Variants in LARGE1 observed in about 807,000 individuals in gnomAD.
The protein encoded by LARGE1 is LARGE xylosyl- and glucuronyltransferase 1, also known as xylosyl- and glucuronyltransferase LARGE1.
Under a neutral mutation model 87.6 loss-of-function variants are expected in LARGE1, and 43 were observed. The observed-to-expected ratio is 0.49, with a 90% CI of 0.38 to 0.63. LARGE1 has a LOEUF of 0.63. Among genes scored for constraint, LARGE1 ranks in the 30% least tolerant of loss-of-function variants. The pLI is 0.00. For missense variants in LARGE1, 802 were observed against 1,000.2 expected (o/e 0.80, Z 2.67); for synonymous variants, 434 against 394.6 (o/e 1.10, Z -1.18).
At chr22:33,396,496 A>AGAGAGAGAGAGAGAGAGAGG (rs1414237303) in intron 7 of LARGE1, among the ~76,000 whole-genome samples, 1 of 142,496 alleles carries the variant, frequency 7.0e-6, no homozygotes, top group Non-Finnish European at 1.5e-5. Flanking sequence ...AGAGAGAGAG[A>AGAGAGAGAGAGAGAGAGAGG]GATAGGGAAG....
At chr22:33,543,644 A>T (rs1333490427) in intron 6 of LARGE1, among the ~76,000 whole-genome samples, 4 of 152,230 alleles carry the variant, frequency 2.6e-5, no homozygotes, top group African/African-American at 9.6e-5. Flanking sequence ...AGTGACAGAG[A>T]CTTTACTGAG....
At chr22:33,731,215 C>A (rs867304361) in intron 2 of LARGE1, among the ~76,000 whole-genome samples, 1 of 151,700 alleles carries the variant, frequency 6.6e-6, no homozygotes, top group Admixed American at 6.6e-5. Context: ...ATGTTAGCCA[C>A]GATGGTCTCG....
At chr22:33,319,167 C>G (rs186109231) in intron 10 of LARGE1, among the ~76,000 whole-genome samples, 237 of 152,294 alleles carry the variant, frequency 1.6e-3, no homozygotes, top group African/African-American at 5.1e-3. Context: ...TTTCTCTAGC[C>G]TTGAATAAGG....
chr22:33,804,826 A>G (rs1327803532), intron 1 of LARGE1, among the ~76,000 whole-genome samples: 1 of 152,048 alleles, frequency 6.6e-6, no homozygotes, highest in Non-Finnish European at 1.5e-5. Context: ...ACCATCATGC[A>G]TTTTCTAGCT....
chr22:33,920,634 G>T (rs1314158571), upstream of LARGE1, among the ~76,000 whole-genome samples: 1 of 143,582 alleles, frequency 7.0e-6, no homozygotes, highest in Admixed American at 6.8e-5. Flanking sequence ...GGGGCGCGGG[G>T]CTAGGGGAGG....
At chr22:33,341,827 CA>C (rs1939179271) in intron 9 of LARGE1, among the ~76,000 whole-genome samples, 1 of 152,182 alleles carries the variant, frequency 6.6e-6, no homozygotes, top group African/African-American at 2.4e-5. Context: ...GAGGGTTAAA[CA>C]AATGCCTAGC....
chr22:33,453,123 G>A (rs575357636), intron 6 of LARGE1, among the ~76,000 whole-genome samples: 23 of 152,190 alleles, frequency 1.5e-4, no homozygotes, highest in African/African-American at 5.1e-4. Flanking sequence ...ACATTGAAAG[G>A]TTGTTGTTTC....
chr22:33,767,933 C>T (rs1272827300), intron 1 of LARGE1, among the ~76,000 whole-genome samples: 1 of 152,216 alleles, frequency 6.6e-6, no homozygotes, highest in Non-Finnish European at 1.5e-5. Context: ...CATTGTCACT[C>T]GTCTTCAGTG....
chr22:33,634,084 C>A (rs1409298556), intron 3 of LARGE1, among the ~76,000 whole-genome samples: 2 of 152,226 alleles, frequency 1.3e-5, no homozygotes, highest in Admixed American at 1.3e-4. Flanking sequence ...GAAAGTGCCC[C>A]TAATAAATCA....
At chr22:33,477,413 A>G (rs1001492048) in intron 6 of LARGE1, among the ~76,000 whole-genome samples, 1 of 152,220 alleles carries the variant, frequency 6.6e-6, no homozygotes, top group African/African-American at 2.4e-5. Flanking sequence ...CTTTGTTTAG[A>G]AACTATGCTT....
intron 11 of LARGE1, among the ~76,000 whole-genome samples, chr22:33,258,490 C>A (rs1927439368): frequency 6.6e-6 from 1 of 152,188 alleles, no homozygotes; most frequent in Non-Finnish European, 1.5e-5. Context: ...ATCAGAGCAA[C>A]TCCATCTTGA....
intron 1 of LARGE1, among the ~76,000 whole-genome samples, chr22:33,797,578 C>T (rs2086026348): frequency 6.6e-6 from 1 of 152,176 alleles, no homozygotes; most frequent in Non-Finnish European, 1.5e-5. Flanking sequence ...TGGAAGAGGA[C>T]AGAGCCTAGG....
rs1603115885 is a variant in LARGE1 at position 33,680,065 on chromosome 22, C to T, written c.107-29397G>A. ...GACTTCAAATGGAGGGGATCACATT[C>T]CAGTCTAAAGTGGCTCATGGCCCTG... On this transcript the variant is annotated intron_variant, in intron 2 of 14. Coordinates refer to ENST00000397394, the MANE Select transcript of LARGE1 (RefSeq NM_133642.5). 2.6e-5 allele frequency among the ~76,000 whole-genome samples: 4 copies of T among 152,254 alleles called. No homozygotes were observed. The South Asian group carries it at 8.3e-4, about 32-fold the overall frequency.
In LARGE1 at chr22:33,698,653, C is replaced by A. The variant is rs145895913; in HGVS notation, c.107-47985G>T. ...AAAGATCTGGATGGACATTTCAGCT[C>A]AGCTACATCCCAGGTAGGGCCATTT... On this transcript the variant is annotated intron_variant, in intron 2 of 14. Transcript: ENST00000397394. Among the ~76,000 whole-genome samples the A allele has an allele frequency of 1.6e-3, 240 of 152,262 alleles. 1 individual carries two copies. The highest frequency in any genetic ancestry group is 5.6e-3 in the African/African-American group (233 of 41,568).
intron 7 of LARGE1, among the ~76,000 whole-genome samples, chr22:33,391,773 T>C (rs1019235645): frequency 6.8e-5 from 10 of 147,822 alleles, no homozygotes; most frequent in Non-Finnish European, 1.2e-4. Flanking sequence ...TCCTTTTTTT[T>C]TTTTTTTTTT....
chr22:33,310,963 C>CTT (rs879377119), intron 11 of LARGE1, among the ~76,000 whole-genome samples: 7 of 140,376 alleles, frequency 5.0e-5, no homozygotes, highest in Non-Finnish European at 7.8e-5. Context: ...GGGGCCCGGA[C>CTT]TTTTTTTTTT....
intron 6 of LARGE1, among the ~76,000 whole-genome samples, chr22:33,525,806 T>C (rs1283363273): frequency 6.6e-6 from 1 of 152,228 alleles, no homozygotes; most frequent in Admixed American, 6.5e-5. Context: ...TTGGTATTCT[T>C]AGCATATGAA....
intron 2 of LARGE1, among the ~76,000 whole-genome samples, chr22:33,714,033 T>TAACATAACATAACAC (rs1349702808): frequency 3.3e-5 from 5 of 149,588 alleles, no homozygotes; most frequent in Non-Finnish European, 7.4e-5. Context: ...TAACATAACA[T>TAACATAACATAACAC]AAAACAAAAT....
At chr22:33,636,670 G>A (rs185225472) in intron 3 of LARGE1, among the ~76,000 whole-genome samples, 42 of 152,212 alleles carry the variant, frequency 2.8e-4, no homozygotes, top group Non-Finnish European at 5.1e-4. Flanking sequence ...TGGGATTACA[G>A]GTGTTCTCCA....
Sources: allele counts gnomAD v4.1 joint callset (sites outside exome capture counted in the v4.1 genomes callset), GRCh38; gene constraint gnomAD v4.1.1; transcripts MANE v1.5; gene names NCBI Gene and HGNC (gene_info 2026-07-23, HGNC 2026-07-21).